KIAA1217: variants seen among roughly 807,000 people sequenced by gnomAD.
KIAA1217 encodes KIAA1217.
A neutral mutation model predicts 163.9 loss-of-function variants in KIAA1217; 88 were observed. That is an observed-to-expected ratio of 0.54 (90% CI 0.45 to 0.64). The LOEUF (loss-of-function observed/expected upper bound fraction) is 0.64. Ranked by LOEUF, KIAA1217 falls within the 30% of genes least tolerant of loss-of-function variation. The pLI is 0.00. For missense variants in KIAA1217, 2,372 were observed against 2,475.0 expected (o/e 0.96, Z 0.88); for synonymous variants, 903 against 923.1 (o/e 0.98, Z 0.39).
intron 1 of KIAA1217, among the ~76,000 whole-genome samples, chr10:23,859,401 T>G (rs1429821316): frequency 2.0e-5 from 3 of 152,250 alleles, no homozygotes; most frequent in African/African-American, 7.2e-5. Context: ...GTAACTTGAA[T>G]GGAATTGTCA....
At chr10:24,010,947 T>C (rs1847213992) in intron 2 of KIAA1217, among the ~76,000 whole-genome samples, 1 of 152,124 alleles carries the variant, frequency 6.6e-6, no homozygotes, top group Admixed American at 6.6e-5. Flanking sequence ...AACTACTTTT[T>C]GAAGCCAAGA....
intron 1 of KIAA1217, among the ~76,000 whole-genome samples, chr10:23,736,943 A>T (rs7898966): frequency 6.6e-6 from 1 of 152,084 alleles, no homozygotes; most frequent in Non-Finnish European, 1.5e-5. Flanking sequence ...GCTTGCCAAG[A>T]TCCATAAAAA....
intron 2 of KIAA1217, among the ~76,000 whole-genome samples, chr10:24,302,451 T>A (rs1590763890): frequency 6.6e-6 from 1 of 152,348 alleles, no homozygotes; most frequent in East Asian, 1.9e-4. Flanking sequence ...AATGTGTTGC[T>A]CTTTTATGAG....
intron 1 of KIAA1217, among the ~76,000 whole-genome samples, chr10:23,856,196 A>G (rs1839651584): frequency 6.6e-6 from 1 of 152,138 alleles, no homozygotes; most frequent in African/African-American, 2.4e-5. Context: ...TTTGGTGCGG[A>G]TGTCCTTTCT....
intron 2 of KIAA1217, among the ~76,000 whole-genome samples, chr10:24,034,252 G>C (rs761524691): frequency 6.6e-6 from 1 of 152,050 alleles, no homozygotes; most frequent in African/African-American, 2.4e-5. Flanking sequence ...TTCTGGCACC[G>C]TGAGCTTAGA....
chr10:24,423,152 C>T (rs1053373513), intron 3 of KIAA1217, among the ~76,000 whole-genome samples: 6 of 152,100 alleles, frequency 3.9e-5, no homozygotes, highest in South Asian at 4.2e-4. Flanking sequence ...CTCCTGACCT[C>T]GTGATCCACC....
At chr10:24,534,297 C>T (rs544377912) in intron 16 of KIAA1217, among the ~76,000 whole-genome samples, 1 of 152,344 alleles carries the variant, frequency 6.6e-6, no homozygotes, top group African/African-American at 2.4e-5. Context: ...CACTAAAACT[C>T]ACAGACTAGC....
At chr10:24,291,565 TA>T (rs2079092500) in intron 2 of KIAA1217, among the ~76,000 whole-genome samples, 1 of 152,184 alleles carries the variant, frequency 6.6e-6, no homozygotes, top group African/African-American at 2.4e-5. Context: ...ATTTCACTTC[TA>T]CCTCTCCCAG....
At chr10:24,197,035 T>G (rs552841406) in intron 2 of KIAA1217, among the ~76,000 whole-genome samples, 2 of 152,328 alleles carry the variant, frequency 1.3e-5, no homozygotes, top group Admixed American at 1.3e-4. Context: ...GATATGGAGT[T>G]AAACGAAAGA....
At chr10:24,319,942 ACT>A (rs1005766514) in intron 2 of KIAA1217, among the ~76,000 whole-genome samples, 1 of 152,206 alleles carries the variant, frequency 6.6e-6, no homozygotes. Context: ...CCATGAGATA[ACT>A]AAAACCCGCA....
intron 1 of KIAA1217, among the ~76,000 whole-genome samples, chr10:23,799,716 C>T (rs1425380816): frequency 6.6e-6 from 1 of 152,144 alleles, no homozygotes; most frequent in African/African-American, 2.4e-5. Context: ...TGTACACAAG[C>T]CCACTGGGCT....
chr10:23,768,167 G>A (rs1484860716), intron 1 of KIAA1217, among the ~76,000 whole-genome samples: 4 of 152,178 alleles, frequency 2.6e-5, no homozygotes, highest in Admixed American at 6.5e-5. Flanking sequence ...TGGCCAATAC[G>A]ATTTTCAACT....
chr10:23,949,643 C>T (rs943108207), intron 1 of KIAA1217, among the ~76,000 whole-genome samples: 2 of 151,814 alleles, frequency 1.3e-5, no homozygotes, highest in Non-Finnish European at 2.9e-5. Context: ...AAAAGACTGC[C>T]TGGTGTGTTT....
intron 1 of KIAA1217, among the ~76,000 whole-genome samples, chr10:23,706,484 G>A (rs1836895560): frequency 6.6e-6 from 1 of 151,918 alleles, no homozygotes; most frequent in African/African-American, 2.4e-5. Flanking sequence ...ATCATGAAAT[G>A]GTATTGGATT....
intron 2 of KIAA1217, among the ~76,000 whole-genome samples, chr10:24,272,297 G>C (rs888038901): frequency 2.0e-5 from 3 of 152,204 alleles, no homozygotes; most frequent in Non-Finnish European, 4.4e-5. Flanking sequence ...AGGAGTGCTT[G>C]AATCTAGATT....
At position 24,000,037 on chromosome 10, in the gene KIAA1217, G is replaced by A. The variant is rs916559878; in HGVS notation, c.-320-7188G>A. Among the ~76,000 whole-genome samples the A allele has an allele frequency of 2.0e-5, 3 of 152,320 alleles. No homozygotes were observed. In the East Asian group the frequency reaches 5.8e-4, roughly 29 times the overall value. On this transcript the variant is annotated intron_variant, in intron 1 of 18. Transcript: ENST00000376462. ...GCTGTGATTGCACCACTGCAGTCCA[G>A]CCTGGGTGATAGAGTAAGACCCTAT...
chr10:24,031,049 T>A (rs1049424564), intron 2 of KIAA1217, among the ~76,000 whole-genome samples: 1 of 152,190 alleles, frequency 6.6e-6, no homozygotes, highest in Non-Finnish European at 1.5e-5. Flanking sequence ...TCCCGACAAA[T>A]GGAATTGCTG....
At chr10:24,326,010 A>G (rs546038809) in intron 2 of KIAA1217, among the ~76,000 whole-genome samples, 1 of 152,294 alleles carries the variant, frequency 6.6e-6, no homozygotes, top group South Asian at 2.1e-4. Context: ...TAGGTATACC[A>G]GTTAACAGGA....
chr10:24,006,125 A>G lies in KIAA1217; in HGVS notation c.-320-1100A>G, dbSNP rs567635500. ...GTATGACAATATTCATAACTATTGAACTCAGCACAAGAAATAATTTAAATT... is the reference window on the plus strand; with the variant it reads ...GTATGACAATATTCATAACTATTGAGCTCAGCACAAGAAATAATTTAAATT... On this transcript the variant is annotated intron_variant, in intron 1 of 18. Transcript: ENST00000376462. Among the ~76,000 whole-genome samples, 48 of 152,346 alleles carry G rather than the reference A, an allele frequency of 3.2e-4. No homozygotes were observed. In the South Asian group the frequency reaches 9.1e-3, roughly 29 times the overall value.
Sources: gnomAD v4.1 joint callset for allele counts (sites outside exome capture counted in the v4.1 genomes callset) on GRCh38, gnomAD v4.1.1 for gene constraint, MANE v1.5 for transcripts, NCBI Gene and HGNC (gene_info 2026-07-23, HGNC 2026-07-21) for gene names.